The following MTR variants were observed in gnomAD, a reference collection of about 807,000 sequenced individuals.
The protein encoded by MTR is methionine synthase.
MTR carries 84 observed loss-of-function variants against 154.8 expected under a neutral mutation model. The observed-to-expected ratio is 0.54, with a 90% confidence interval of 0.45 to 0.65. The LOEUF (loss-of-function observed/expected upper bound fraction) is 0.65, where lower values mean the gene tolerates loss of function less well. Ranked by LOEUF, MTR falls within the 30% of genes least tolerant of loss-of-function variation. The pLI, the probability that MTR is intolerant of heterozygous loss-of-function variation, is 0.00. For missense variants in MTR, 1,275 were observed against 1,570.2 expected, an observed-to-expected ratio of 0.81 and a Z score of 3.18; for synonymous variants, 554 against 553.9, an observed-to-expected ratio of 1.00 and a Z score of 0.00.
intron 11 of MTR, 112 bp from the exon 12 acceptor site, chr1:236,829,077 A>G (rs1558292344): frequency 2.5e-6 from 2 of 809,116 alleles, no homozygotes; most frequent in Non-Finnish European, 4.1e-6. Flanking sequence ...AATTATATGT[A>G]TAGTTATGTT....
At chr1:236,860,448 C>G (rs1168854709) in intron 19 of MTR, among the ~76,000 whole-genome samples, 1 of 146,584 alleles carries the variant, frequency 6.8e-6, no homozygotes, top group Admixed American at 6.9e-5. Flanking sequence ...TTAACTCTTT[C>G]ACCTTTTGAG....
chr1:236,800,998 C>G (rs1405473771), intron 1 of MTR, among the ~76,000 whole-genome samples: 1 of 152,172 alleles, frequency 6.6e-6, no homozygotes, highest in Non-Finnish European at 1.5e-5. Flanking sequence ...TAGCTTAAGC[C>G]TATCAAATTC....
At chr1:236,848,788 A>G (rs1663733353) in intron 15 of MTR, among the ~76,000 whole-genome samples, 1 of 152,158 alleles carries the variant, frequency 6.6e-6, no homozygotes, top group Non-Finnish European at 1.5e-5. Context: ...GCGATTAAAG[A>G]GACCAAAGAA....
Position 236,902,422 on chromosome 1 carries a change from C to T in MTR, c.*4778C>T, listed in dbSNP as rs1666958021. ...TCATCTAGTTCTCTGTTAGACTTAA[C>T]ATTCCCTAAGGGCAGGTTTGGAACC... is the stretch of plus-strand genomic sequence containing the variant. On this transcript the variant is annotated 3_prime_UTR_variant, in exon 33 of 33. Coordinates refer to ENST00000366577, the MANE Select transcript of MTR (RefSeq NM_000254.3). 1.3e-5 allele frequency: 2 copies of T among 152,192 alleles called. No homozygotes were observed. Among genetic ancestry groups the T allele is most frequent in the Non-Finnish European group, 1.5e-5 (1 of 68,064 alleles). The allele number at this position is 152,192 out of a possible 1,614,324, so 9.4% of individuals were successfully genotyped here. A position where few individuals can be genotyped will look rare whatever the true frequency, so the allele number is the denominator to read the frequency against.
intron 20 of MTR, 58 bp from the exon 21 acceptor site, chr1:236,862,178 C>T: frequency 7.2e-7 from 1 of 1,393,564 alleles, no homozygotes; most frequent in Non-Finnish European, 1.0e-6. Context: ...CACAAGTGGC[C>T]ATCAGCAGTT....
At chr1:236,857,965 T>C (rs1489279253) in intron 18 of MTR, among the ~76,000 whole-genome samples, 1 of 152,208 alleles carries the variant, frequency 6.6e-6, no homozygotes, top group African/African-American at 2.4e-5. Context: ...GAGTCTGGCA[T>C]GGTCATAGGT....
At position 236,900,120 on chromosome 1, in the gene MTR, A is replaced by G; in HGVS notation, c.*2476A>G. The G allele has an allele frequency of 2.6e-6, 1 of 377,636 alleles. No homozygotes were observed. Among genetic ancestry groups the G allele is most frequent in the Middle Eastern group, 3.6e-4 (1 of 2,774 alleles). The allele number at this position is 377,636 out of a possible 1,614,324, so 23.4% of individuals were successfully genotyped here. A position where few individuals can be genotyped will look rare whatever the true frequency, so the allele number is the denominator to read the frequency against. ...AGGAGGAATGTGTAAGAATGTTCAT[A>G]GTTACATATTTATAATAGTTAATAA... On this transcript the variant is annotated 3_prime_UTR_variant, in exon 33 of 33. Transcript: ENST00000366577.
At chr1:236,897,320 A>G (rs957086855) in intron 32 of MTR, among the ~76,000 whole-genome samples, 32 of 104,328 alleles carry the variant, frequency 3.1e-4, no homozygotes, top group African/African-American at 4.8e-4. Flanking sequence ...GCACACACAC[A>G]CACACACACA....
intron 15 of MTR, among the ~76,000 whole-genome samples, chr1:236,839,414 T>C (rs1057147654): frequency 2.0e-5 from 3 of 152,002 alleles, no homozygotes; most frequent in Non-Finnish European, 4.4e-5. Context: ...AATAAACTTA[T>C]GAGAAGATAC....
At chr1:236,878,627 T>C (rs1454428743) in intron 24 of MTR, among the ~76,000 whole-genome samples, 1 of 151,816 alleles carries the variant, frequency 6.6e-6, no homozygotes, top group East Asian at 1.9e-4. Context: ...ACAAAAAAAA[T>C]CTCATAATGT....
chr1:236,833,274 C>A (rs1338408267), intron 13 of MTR, among the ~76,000 whole-genome samples: 1 of 152,048 alleles, frequency 6.6e-6, no homozygotes, highest in African/African-American at 2.4e-5. Flanking sequence ...CTATGGTGTC[C>A]CTTTGGTGGA....
In MTR at chr1:236,815,612, G is replaced by C; in HGVS notation, c.618G>C (p.Leu206Phe). 1 of 1,613,928 alleles carries C rather than the reference G, an allele frequency of 6.2e-7. No homozygotes were observed. Among genetic ancestry groups the C allele is most frequent in the Non-Finnish European group, 8.5e-7 (1 of 1,179,874 alleles). Reference sequence around the variant, plus strand: ...TCTTTTTTCCCTGACAGGCAGCCTTGTTTGCACTCCAAAATCTTTTTGAGG... The same window carrying C: ...TCTTTTTTCCCTGACAGGCAGCCTTCTTTGCACTCCAAAATCTTTTTGAGG... ...IFDTANAKAA[L>F]FALQNLFEEK... Residue 206 changes from leucine (L) to phenylalanine (F), a missense_variant, in exon 7 of 33, where the codon TTG becomes TTC. Coordinates refer to ENST00000366577, the MANE Select transcript of MTR (RefSeq NM_000254.3).
intron 5 of MTR, among the ~76,000 whole-genome samples, chr1:236,811,105 G>A (rs1321006836): frequency 6.6e-6 from 1 of 152,180 alleles, no homozygotes; most frequent in African/African-American, 2.4e-5. Context: ...CATGGCAGAA[G>A]GCAAGGAGGA....
intron 15 of MTR, among the ~76,000 whole-genome samples, 163 bp from the exon 16 acceptor site, chr1:236,850,181 C>T (rs1663815237): frequency 6.6e-6 from 1 of 151,984 alleles, no homozygotes; most frequent in Admixed American, 6.6e-5. Flanking sequence ...GAAATCCAAG[C>T]ATTGACACTT....
At chr1:236,822,838 T>C (rs1662048383) in intron 8 of MTR, among the ~76,000 whole-genome samples, 1 of 152,208 alleles carries the variant, frequency 6.6e-6, no homozygotes, top group Non-Finnish European at 1.5e-5. Context: ...TTTCTATCTT[T>C]TCTTATTGCA....
At chr1:236,853,429 ACCAC>A (rs1410799338) in intron 18 of MTR, among the ~76,000 whole-genome samples, 1 of 152,230 alleles carries the variant, frequency 6.6e-6, no homozygotes, top group African/African-American at 2.4e-5. Flanking sequence ...TTGTAATCCT[ACCAC>A]CCAAAGTTAA....
At chr1:236,812,448 G>T (rs1161439457) in intron 5 of MTR, among the ~76,000 whole-genome samples, 1 of 152,210 alleles carries the variant, frequency 6.6e-6, no homozygotes, top group Non-Finnish European at 1.5e-5. Context: ...GATGTTGAAT[G>T]GGGGGTACAT....
In MTR at chr1:236,809,027, G is replaced by A. The variant is rs12567062; in HGVS notation, c.409+254G>A. ...TTTCACCCTGGGTTAGCCTGACTTTGTAGCTAGGCCCCTGACTTCCTTGTG... is the reference window on the plus strand; with the variant it reads ...TTTCACCCTGGGTTAGCCTGACTTTATAGCTAGGCCCCTGACTTCCTTGTG... On this transcript the variant is annotated intron_variant, in intron 4 of 32. Coordinates refer to ENST00000366577, the MANE Select transcript of MTR (RefSeq NM_000254.3). Among the ~76,000 whole-genome samples, 48,090 of 152,112 alleles carry A rather than the reference G, an allele frequency of 0.32. 9,061 individuals are homozygous for A. The highest frequency in any genetic ancestry group is 0.4 in the Non-Finnish European group (27,423 of 67,982).
chr1:236,861,105 T>G lies in MTR; in HGVS notation c.2044-20T>G. ...TTTCTTTCTTTCTTTTTCTTTTTTT[T>G]TTTTTTTTGTCTTTTTTAGGGCATT... On this transcript the variant is annotated intron_variant, in intron 19 of 32. Coordinates refer to ENST00000366577, the MANE Select transcript of MTR (RefSeq NM_000254.3). 6.6e-7 allele frequency: 1 copy of G among 1,503,948 alleles called. No homozygotes were observed. Among genetic ancestry groups the G allele is most frequent in the South Asian group, 1.3e-5 (1 of 76,976 alleles). The allele number at this position is 1,503,948 out of a possible 1,614,324, so 93.2% of individuals were successfully genotyped here.
Sources: allele counts gnomAD v4.1 joint callset (sites outside exome capture counted in the v4.1 genomes callset), GRCh38; gene constraint gnomAD v4.1.1; transcripts MANE v1.5; gene names NCBI Gene and HGNC (gene_info 2026-07-23, HGNC 2026-07-21).